SYNE1: variants seen among roughly 807,000 people sequenced by gnomAD.
SYNE1 encodes spectrin repeat containing nuclear envelope protein 1.
SYNE1 carries 616 observed loss-of-function variants against 1,111.0 expected under a neutral mutation model. That is an observed-to-expected ratio of 0.55 (90% CI 0.52 to 0.59). The LOEUF (loss-of-function observed/expected upper bound fraction) is 0.59. Ranked by LOEUF, SYNE1 falls within the 20% of genes least tolerant of loss-of-function variation. The probability of loss-of-function intolerance (pLI) is 0.00; values close to 1 mark genes in which losing one functional copy is unlikely to be tolerated. For synonymous variants in SYNE1, 3,855 were observed against 3,825.8 expected (o/e 1.01, Z -0.28); for missense variants, 10,006 against 10,417.0 (o/e 0.96, Z 1.72).
At chr6:152,471,492 T>G in intron 16 of SYNE1, 105 bp downstream of exon 16, 2 of 1,154,310 alleles carry the variant, frequency 1.7e-6, no homozygotes, top group South Asian at 2.6e-5. Context: ...ACACGCTATC[T>G]TTATGTTTAA....
intron 137 of SYNE1, chr6:152,144,775 C>T: frequency 6.5e-6 from 1 of 153,106 alleles, no homozygotes. Flanking sequence ...AACTCTATTC[C>T]CCGCCGACAT....
chr6:152,474,970 C>T (rs560168610), intron 14 of SYNE1, among the ~76,000 whole-genome samples: 1 of 152,012 alleles, frequency 6.6e-6, no homozygotes, highest in South Asian at 2.1e-4. Context: ...GACTCAGATG[C>T]TAGAAACAAA....
intron 133 of SYNE1, among the ~76,000 whole-genome samples, chr6:152,154,304 G>T (rs1022902828): frequency 2.0e-5 from 3 of 152,146 alleles, no homozygotes; most frequent in Admixed American, 2.0e-4. Context: ...TTATGAATAT[G>T]ATTACACTAC....
intron 3 of SYNE1, among the ~76,000 whole-genome samples, chr6:152,543,556 C>T (rs555880174): frequency 1.4e-4 from 22 of 152,226 alleles, no homozygotes; most frequent in African/African-American, 5.3e-4. Flanking sequence ...TGAACAATAA[C>T]ATTTCTTTTT....
At position 152,301,862 on chromosome 6, in the gene SYNE1, T is replaced by A. The variant is rs1276705053; in HGVS notation, c.17541+7A>T. ...AGCAAAGCCGCGGGGACCCACTGGA[T>A]CCTTACCATGACCACAGAGGGGTGG... On this transcript the variant is annotated splice_region_variant and intron_variant, in intron 92 of 145. Transcript: ENST00000367255. 1.9e-6 allele frequency: 3 copies of A among 1,608,778 alleles called. No individual in the cohort carries two copies. The highest frequency in any genetic ancestry group is 2.6e-6 in the Non-Finnish European group (3 of 1,176,234).
chr6:152,544,701 A>G (rs2099298663), intron 3 of SYNE1, among the ~76,000 whole-genome samples: 1 of 152,194 alleles, frequency 6.6e-6, no homozygotes, highest in Non-Finnish European at 1.5e-5. Flanking sequence ...CCATTTGACT[A>G]TTAGGAAACT....
intron 128 of SYNE1, among the ~76,000 whole-genome samples, chr6:152,185,993 G>A (rs1203299632): frequency 2.6e-5 from 4 of 152,096 alleles, no homozygotes; most frequent in South Asian, 2.1e-4. Flanking sequence ...AAATAGAATC[G>A]ATGCCATAAT....
chr6:152,236,943 C>A lies in SYNE1; in HGVS notation c.20073G>T (p.Trp6691Cys). The change falls in exon 109 of 146, where the codon TGG becomes TGT. Residue 6691 changes from tryptophan to cysteine, a missense_variant. Physicochemically the swap from Trp to Cys is radical, Grantham distance 215. Coordinates refer to ENST00000367255, the MANE Select transcript of SYNE1 (RefSeq NM_182961.4). ...CCTGCTGGTCCTCATCCAGATGGGACCACGTCTAGAAACACAACATGAGTC... is the reference window on the plus strand; with the variant it reads ...CCTGCTGGTCCTCATCCAGATGGGAACACGTCTAGAAACACAACATGAGTC... ...GVELEYILET[W>C]SHLDEDQQEL... 2 of 1,613,888 alleles carry A rather than the reference C, an allele frequency of 1.2e-6. No homozygotes were observed. The highest frequency in any genetic ancestry group is 1.7e-4 in the Middle Eastern group (1 of 6,028).
intron 90 of SYNE1, among the ~76,000 whole-genome samples, 185 bp from the exon 91 acceptor site, chr6:152,308,817 ATGT>A (rs2095460215): frequency 6.6e-6 from 1 of 152,188 alleles, no homozygotes. Flanking sequence ...TCTCTCTAAA[ATGT>A]TGTAGCAAAA....
Position 152,364,989 on chromosome 6 carries a change from T to C in SYNE1, c.10003A>G (p.Ile3335Val), listed in dbSNP as rs150814357. The C allele has an allele frequency of 3.2e-5, 52 of 1,614,222 alleles. No homozygotes were observed. In the African/African-American group the frequency reaches 5.9e-4, roughly 18 times the overall value. The stretch of plus-strand genomic sequence containing the variant: ...CTGGTCACTATCATTTTCATCTGAA[T>C]CTCTTTTTCCTGTTTGACTGATAAT... The part of the protein sequence containing the change: ...ALLSVKQEKE[I>V]QMKMIVTRGE... Residue 3335 changes from isoleucine (I) to valine (V), a missense_variant, in exon 63 of 146, where the codon ATT (isoleucine) becomes GTT (valine). Ile to Val is a conservative substitution (Grantham distance 29). This residue lies in a region of SYNE1 where 4,955 missense variants were observed against 5,017.2 expected (regional missense o/e 0.99). Coordinates refer to ENST00000367255, the MANE Select transcript of SYNE1 (RefSeq NM_182961.4).
rs1306653983 is a variant in SYNE1 at position 152,441,347 on chromosome 6, C to A, written c.4009-77G>T. 4 of 1,479,616 alleles carry A rather than the reference C, an allele frequency of 2.7e-6. No individual in the cohort carries two copies. In the Admixed American group the frequency reaches 7.9e-5, roughly 29 times the overall value. 91.7% of individuals were successfully genotyped at this position (1,479,616 alleles called of 1,614,324 possible). Reference sequence around the variant, plus strand: ...ATCATATTTTCATTCGTTTGCAAAACTGTCAACTTTCAGCGAATTCTCATT... The same window carrying A: ...ATCATATTTTCATTCGTTTGCAAAAATGTCAACTTTCAGCGAATTCTCATT... On this transcript the variant is annotated intron_variant, in intron 31 of 145. Coordinates refer to ENST00000367255, the MANE Select transcript of SYNE1 (RefSeq NM_182961.4).
chr6:152,402,605 C>G (rs936970048), intron 46 of SYNE1: 1 of 152,136 alleles, frequency 6.6e-6, no homozygotes, highest in Non-Finnish European at 1.5e-5. Flanking sequence ...CCCATGCCTG[C>G]CAAATGCAGG....
chr6:152,621,049 T>A (rs1326396021), intron 3 of SYNE1, among the ~76,000 whole-genome samples: 2 of 152,020 alleles, frequency 1.3e-5, no homozygotes, highest in Non-Finnish European at 2.9e-5. Flanking sequence ...GCTGAGGAGG[T>A]TGCATTGAAG....
At chr6:152,287,273 C>A (rs998716679) in intron 95 of SYNE1, among the ~76,000 whole-genome samples, 1 of 150,536 alleles carries the variant, frequency 6.6e-6, no homozygotes, top group Non-Finnish European at 1.5e-5. Context: ...GAAAATTCTT[C>A]TTTTTTTCAC....
intron 130 of SYNE1, among the ~76,000 whole-genome samples, chr6:152,170,366 T>G (rs2064885016): frequency 6.6e-6 from 1 of 152,226 alleles, no homozygotes. Context: ...CACAGTCCTT[T>G]CCCTTGCATT....
chr6:152,309,677 A>G (rs2095490022), intron 90 of SYNE1, among the ~76,000 whole-genome samples, 158 bp downstream of exon 90: 1 of 152,214 alleles, frequency 6.6e-6, no homozygotes, highest in Admixed American at 6.5e-5. Context: ...GGGTGATCCA[A>G]ATGACAGCAT....
In SYNE1 at chr6:152,206,796, G is replaced by A. The variant is rs575673222; in HGVS notation, c.22825-434C>T. Among the ~76,000 whole-genome samples, 5 of 152,232 alleles carry A rather than the reference G, an allele frequency of 3.3e-5. No individual in the cohort carries two copies. The East Asian group carries it at 5.8e-4, about 18-fold the overall frequency. On this transcript the variant is annotated intron_variant, in intron 125 of 145. Transcript: ENST00000367255. ...CCTTCTCACAGAGAAATGAGGATGC[G>A]CACATTCACTATATGAGAAAAATAT...
intron 3 of SYNE1, among the ~76,000 whole-genome samples, chr6:152,547,838 G>C (rs1263173253): frequency 2.0e-5 from 3 of 152,102 alleles, no homozygotes; most frequent in Admixed American, 2.0e-4. Context: ...ATTGCAAATG[G>C]TAGGATTTCC....
intron 128 of SYNE1, among the ~76,000 whole-genome samples, chr6:152,184,627 CATATATAGATAG>C (rs1489711803): frequency 2.1e-5 from 3 of 140,082 alleles, no homozygotes; most frequent in Non-Finnish European, 3.1e-5. Context: ...GGATTATACA[CATATATAGATAG>C]ATAGATAGAT....
Sources: gnomAD v4.1 joint callset for allele counts (sites outside exome capture counted in the v4.1 genomes callset) on GRCh38, gnomAD v4.1.1 for gene constraint, gnomAD v4.1.1 regional missense constraint, MANE v1.5 for transcripts, NCBI Gene and HGNC (gene_info 2026-07-23, HGNC 2026-07-21) for gene names.